Variants in ZIM2 observed in about 807,000 individuals in gnomAD.
The protein encoded by ZIM2 is zinc finger protein 656.
ZIM2 carries 14 observed loss-of-function variants against 38.6 expected under a neutral mutation model. The observed-to-expected ratio is 0.36, with a 90% CI of 0.24 to 0.57. ZIM2 has a LOEUF of 0.57. ZIM2 is among the 20% of genes least tolerant of loss of function. The pLI is 0.81. For synonymous variants in ZIM2, 247 were observed against 245.8 expected, an observed-to-expected ratio of 1.00 and a Z score of -0.04; for missense variants, 680 against 695.1, an observed-to-expected ratio of 0.98 and a Z score of 0.24.
At chr19:56,839,436 G>A (rs1033555206) in intron 1 of ZIM2, among the ~76,000 whole-genome samples, 4 of 148,796 alleles carry the variant, frequency 2.7e-5, no homozygotes, top group Admixed American at 6.7e-5. Flanking sequence ...GGCCTGAACA[G>A]ATCGTCACAT....
chr19:56,791,887 A>G (rs900200026), intron 9 of ZIM2, among the ~76,000 whole-genome samples: 2 of 152,132 alleles, frequency 1.3e-5, no homozygotes, highest in Non-Finnish European at 2.9e-5. Context: ...CAGTCTTTGT[A>G]TCTCCCACAT....
At chr19:56,815,085 G>A in intron 9 of ZIM2, 1 of 1,613,820 alleles carries the variant, frequency 6.2e-7, no homozygotes, top group Non-Finnish European at 8.5e-7. Flanking sequence ...TGAGGTCTGT[G>A]AGATCCACAA....
At position 56,813,596 on chromosome 19, in the gene ZIM2, C is replaced by G. The variant is rs1006037218; in HGVS notation, c.490+4150G>C. The G allele has an allele frequency of 1.9e-5, 28 of 1,509,372 alleles. No individual in the cohort carries two copies. In the Admixed American group the frequency reaches 5.9e-4, roughly 32 times the overall value. 93.5% of individuals were successfully genotyped at this position (1,509,372 alleles called of 1,614,324 possible). A position where few individuals can be genotyped will look rare whatever the true frequency, so the allele number is the denominator to read the frequency against. ...AGGTTAAGTCTCCTACTGACATTAT[C>G]ATGGATTGGTTTGGATTCTCTGTGG... On this transcript the variant is annotated intron_variant, in intron 9 of 12. Transcript: ENST00000629319.
rs200022665 is a variant in ZIM2 at position 56,816,631 on chromosome 19, C to T, written c.490+1115G>A. ...TGGGCTGGGCCTAAAGGTTTCCCCG[C>T]GCTCACGTTCACGTTCACGTTCATG... On this transcript the variant is annotated intron_variant, in intron 9 of 12. Coordinates refer to ENST00000629319, the MANE Select transcript of ZIM2 (RefSeq NM_001387356.1). The T allele has an allele frequency of 4.5e-5, 72 of 1,613,640 alleles. No homozygotes were observed. Among genetic ancestry groups the T allele is most frequent in the Non-Finnish European group, 4.6e-5 (54 of 1,179,706 alleles).
At chr19:56,823,164 C>A (rs36009915) in intron 5 of ZIM2, among the ~76,000 whole-genome samples, 35,449 of 151,962 alleles carry the variant, frequency 0.23, 4,206 homozygotes, top group Non-Finnish European at 0.25. Flanking sequence ...GGACTGCAGA[C>A]CCCCTACTGT....
chr19:56,820,453 A>C (rs192403548), intron 7 of ZIM2, among the ~76,000 whole-genome samples: 246 of 152,302 alleles, frequency 1.6e-3, no homozygotes, highest in African/African-American at 5.6e-3. Context: ...AAACAAGACA[A>C]AGCCCAACTA....
intron 9 of ZIM2, among the ~76,000 whole-genome samples, chr19:56,809,447 T>C (rs771201040): frequency 1.7e-4 from 26 of 152,222 alleles, no homozygotes; most frequent in Non-Finnish European, 3.1e-4. Flanking sequence ...AAATTGGGTA[T>C]GGTGCTATCC....
chr19:56,796,828 A>C (rs1455837703), intron 9 of ZIM2, among the ~76,000 whole-genome samples: 1 of 152,230 alleles, frequency 6.6e-6, no homozygotes, highest in Non-Finnish European at 1.5e-5. Flanking sequence ...CATGGTGAAA[A>C]AGGCAAGTTT....
intron 2 of ZIM2, among the ~76,000 whole-genome samples, chr19:56,828,057 G>C (rs539278128): frequency 2.0e-5 from 3 of 152,226 alleles, no homozygotes; most frequent in Middle Eastern, 3.4e-3. Flanking sequence ...TAAATTCAAA[G>C]TTAAAACAAA....
intron 9 of ZIM2, among the ~76,000 whole-genome samples, chr19:56,796,226 T>A (rs549554243): frequency 3.9e-5 from 6 of 152,318 alleles, no homozygotes; most frequent in Admixed American, 3.9e-4. Flanking sequence ...GGCATAGTAT[T>A]TGCATATAAT....
chr19:56,793,593 CA>C (rs2047050054), intron 9 of ZIM2, among the ~76,000 whole-genome samples: 1 of 152,100 alleles, frequency 6.6e-6, no homozygotes, highest in Non-Finnish European at 1.5e-5. Flanking sequence ...TATAAATAGC[CA>C]ATCAACATAA....
chr19:56,816,161 T>G (rs778952352), intron 9 of ZIM2: 1 of 1,614,068 alleles, frequency 6.2e-7, no homozygotes, highest in East Asian at 2.2e-5. Flanking sequence ...GTGGGAATCT[T>G]CTGGTTTTCA....
rs1164304726 is a variant in ZIM2 at position 56,814,414 on chromosome 19, T to C, written c.490+3332A>G. 3.1e-6 allele frequency: 5 copies of C among 1,613,876 alleles called. No homozygotes were observed. Among genetic ancestry groups the C allele is most frequent in the African/African-American group, 1.3e-5 (1 of 74,930 alleles). ...CTTATGTTTAGTGAGGACTGTGCTA[T>C]GAATAAAGGACTTACCACAATCCTT... On this transcript the variant is annotated intron_variant, in intron 9 of 12. Transcript: ENST00000629319. The surrounding 1 kb of genome is among the most constrained non-coding windows in gnomAD (Gnocchi z 5.8).
At chr19:56,839,756 C>T (rs1364722541) in intron 1 of ZIM2, among the ~76,000 whole-genome samples, 4 of 152,274 alleles carry the variant, frequency 2.6e-5, no homozygotes, top group African/African-American at 9.6e-5. Context: ...CCATCTGCCA[C>T]CAATCAACCA....
At chr19:56,827,004 A>C (rs2146424381) in intron 2 of ZIM2, among the ~76,000 whole-genome samples, 1 of 152,338 alleles carries the variant, frequency 6.6e-6, no homozygotes, top group Middle Eastern at 3.4e-3. Flanking sequence ...ATTTTTTTAA[A>C]GAAAATACAA....
At chr19:56,779,248 C>A (rs2286749) in intron 12 of ZIM2, 129 bp downstream of exon 12, 9 of 782,190 alleles carry the variant, frequency 1.2e-5, no homozygotes, top group Non-Finnish European at 1.8e-5. Flanking sequence ...GAAAGGAGAC[C>A]AAGGGGAGTA....
At chr19:56,825,567 C>T (rs200136532) in intron 3 of ZIM2, among the ~76,000 whole-genome samples, 1 of 151,838 alleles carries the variant, frequency 6.6e-6, no homozygotes, top group African/African-American at 2.4e-5. Context: ...TCAATCTCTC[C>T]TTTTTTTTAT....
At position 56,824,307 on chromosome 19, in the gene ZIM2, G is replaced by A; in HGVS notation, c.-30C>T. ...TTGTAATTCTCCAGCAGAGTGACGAGCTTCTCACAGTTCTCCGGCTTTTTT... is the reference window on the plus strand; with the variant it reads ...TTGTAATTCTCCAGCAGAGTGACGAACTTCTCACAGTTCTCCGGCTTTTTT... On this transcript the variant is annotated 5_prime_UTR_variant, in exon 4 of 13. Transcript: ENST00000629319. 8.7e-6 allele frequency: 14 copies of A among 1,614,094 alleles called. No individual in the cohort carries two copies. In the East Asian group the frequency reaches 2.0e-4, roughly 23 times the overall value.
intron 6 of ZIM2, 118 bp from the exon 7 acceptor site, chr19:56,821,872 T>G: frequency 9.4e-7 from 1 of 1,069,494 alleles, no homozygotes; most frequent in Non-Finnish European, 1.4e-6. Context: ...CAAGTGCCTT[T>G]CTCTTCTCTG....
Sources: allele counts gnomAD v4.1 joint callset (sites outside exome capture counted in the v4.1 genomes callset), GRCh38; gene constraint gnomAD v4.1.1; non-coding constraint Gnocchi (gnomAD v3.1); transcripts MANE v1.5; gene names NCBI Gene and HGNC (gene_info 2026-07-23, HGNC 2026-07-21).